The following ALPK1 variants were observed in gnomAD, a reference collection of about 807,000 sequenced individuals.
ALPK1 encodes alpha-protein kinase 1.
Under a neutral mutation model 120.6 loss-of-function variants are expected in ALPK1, and 110 were observed. The observed-to-expected ratio is 0.91, with a 90% CI of 0.78 to 1.07. The LOEUF is 1.07. Among genes scored for constraint, ALPK1 ranks in the 50% least tolerant of loss-of-function variants. ALPK1 has a pLI of 0.00. For missense variants in ALPK1, 1,498 were observed against 1,483.9 expected, an observed-to-expected ratio of 1.01 and a Z score of -0.16; for synonymous variants, 582 against 560.3, an observed-to-expected ratio of 1.04 and a Z score of -0.55.
In ALPK1 at chr4:112,426,477, C is replaced by A. The variant is rs142293369; in HGVS notation, c.633C>A (p.Tyr211Ter). 2.5e-6 allele frequency: 4 copies of A among 1,604,164 alleles called. No individual in the cohort carries two copies. The highest frequency in any genetic ancestry group is 1.1e-5 in the South Asian group (1 of 89,858). Reference sequence around the variant, plus strand: ...TCTTTTTTTTTTCAGGGATGTGGTACGAAGCAGCAGAGTTAATATGGGCCT... The same window carrying A: ...TCTTTTTTTTTTCAGGGATGTGGTAAGAAGCAGCAGAGTTAATATGGGCCT... ...GQILQKLGMW[Y>*]EAAELIWASI... Residue 211 changes from tyrosine to a stop codon, truncating the protein, a stop_gained, in exon 8 of 16, where the codon TAC (tyrosine) becomes TAA (stop). Coordinates refer to ENST00000650871, the MANE Select transcript of ALPK1 (RefSeq NM_025144.4). LOFTEE classifies it high-confidence loss of function.
intron 4 of ALPK1, chr4:112,383,826 A>G (rs1732029661): frequency 6.6e-6 from 1 of 152,208 alleles, no homozygotes. Flanking sequence ...TTAAAAATGC[A>G]TTTACTACAC....
At chr4:112,351,065 T>C (rs1730331681) in intron 2 of ALPK1, among the ~76,000 whole-genome samples, 1 of 152,220 alleles carries the variant, frequency 6.6e-6, no homozygotes, top group South Asian at 2.1e-4. Context: ...TCCAGCTATG[T>C]GGGCCAGGCT....
At chr4:112,372,937 G>A (rs1213556244) in intron 2 of ALPK1, among the ~76,000 whole-genome samples, 1 of 152,056 alleles carries the variant, frequency 6.6e-6, no homozygotes, top group East Asian at 1.9e-4. Context: ...TGATATTGTG[G>A]TTTTATTTCT....
chr4:112,312,681 A>T (rs1224437408), intron 1 of ALPK1, among the ~76,000 whole-genome samples: 1 of 152,252 alleles, frequency 6.6e-6, no homozygotes, highest in Non-Finnish European at 1.5e-5. Context: ...GAAACATTGA[A>T]TAGGCTGGTA....
At chr4:112,440,004 T>A in intron 14 of ALPK1, 132 bp downstream of exon 14, 1 of 812,182 alleles carries the variant, frequency 1.2e-6, no homozygotes, top group Non-Finnish European at 1.8e-6. Context: ...ACTTAATTGA[T>A]CTTACTATAT....
intron 2 of ALPK1, among the ~76,000 whole-genome samples, chr4:112,319,392 T>G (rs1311165028): frequency 6.6e-6 from 1 of 152,190 alleles, no homozygotes. Context: ...GTATTTCTAT[T>G]TAGTCATTCT....
At chr4:112,420,349 G>A (rs1004817964) in intron 5 of ALPK1, among the ~76,000 whole-genome samples, 3 of 152,230 alleles carry the variant, frequency 2.0e-5, no homozygotes, top group Non-Finnish European at 2.9e-5. Flanking sequence ...TTTAATCACA[G>A]TTCATGTTCT....
intron 4 of ALPK1, among the ~76,000 whole-genome samples, chr4:112,390,637 A>G (rs1732372903): frequency 6.6e-6 from 1 of 152,146 alleles, no homozygotes; most frequent in Non-Finnish European, 1.5e-5. Context: ...ATGAAACCGT[A>G]TTAATGTTAT....
intron 1 of ALPK1, among the ~76,000 whole-genome samples, chr4:112,304,596 T>G (rs1727942673): frequency 6.6e-6 from 1 of 152,098 alleles, no homozygotes; most frequent in East Asian, 1.9e-4. Context: ...TTGATGGGGT[T>G]GTTTGTTTTT....
At chr4:112,313,339 C>T (rs1049554305) in intron 1 of ALPK1, among the ~76,000 whole-genome samples, 1 of 152,126 alleles carries the variant, frequency 6.6e-6, no homozygotes, top group Non-Finnish European at 1.5e-5. Flanking sequence ...AGGAGGAAAA[C>T]CAAGAGAGTA....
At chr4:112,349,530 A>C (rs1730239190) in intron 2 of ALPK1, among the ~76,000 whole-genome samples, 1 of 145,794 alleles carries the variant, frequency 6.9e-6, no homozygotes, top group Non-Finnish European at 1.5e-5. Context: ...GATTGATCCT[A>C]TTATTACCGC....
At chr4:112,404,831 T>C (rs1733094236) in intron 4 of ALPK1, among the ~76,000 whole-genome samples, 1 of 152,214 alleles carries the variant, frequency 6.6e-6, no homozygotes, top group Non-Finnish European at 1.5e-5. Flanking sequence ...AATTTGATCC[T>C]TTTGAAGCTT....
In ALPK1 at chr4:112,430,815, G is replaced by T. The variant is rs1173341365; in HGVS notation, c.1268G>T (p.Ser423Ile). The T allele has an allele frequency of 6.2e-7, 1 of 1,614,104 alleles. No individual in the cohort carries two copies. Among genetic ancestry groups the T allele is most frequent in the Non-Finnish European group, 8.5e-7 (1 of 1,180,054 alleles). The change falls in exon 11 of 16, where the codon AGC becomes ATC. Residue 423 changes from serine to isoleucine, a missense_variant. By Grantham distance (142) the Ser-to-Ile change is moderately radical. Coordinates refer to ENST00000650871, the MANE Select transcript of ALPK1 (RefSeq NM_025144.4). ...AQVKEHLQVQ[S>I]FSNVDDRSYV... The stretch of plus-strand genomic sequence containing the variant: ...GTGAAGGAACATTTACAAGTTCAAA[G>T]CTTCTCAAATGTAGATGACAGATCT...
chr4:112,427,205 C>T (rs1470122499), intron 8 of ALPK1, among the ~76,000 whole-genome samples: 2 of 152,134 alleles, frequency 1.3e-5, no homozygotes, highest in African/African-American at 2.4e-5. Flanking sequence ...TTACATTAGG[C>T]CCATGTGCCC....
chr4:112,356,247 T>C, intron 2 of ALPK1: 1 of 1,466,206 alleles, frequency 6.8e-7, no homozygotes, highest in Non-Finnish European at 9.6e-7. Context: ...AATGGCATCC[T>C]GGAGAGCCCC....
chr4:112,305,325 A>G (rs1204514193), intron 1 of ALPK1, among the ~76,000 whole-genome samples: 8 of 151,882 alleles, frequency 5.3e-5, no homozygotes, highest in South Asian at 2.1e-4. Context: ...CATTGAATCT[A>G]TAAATTACCT....
chr4:112,401,083 G>GGTCTGGGCTGCC (rs2148741488), intron 4 of ALPK1, among the ~76,000 whole-genome samples: 1 of 152,278 alleles, frequency 6.6e-6, no homozygotes, highest in Non-Finnish European at 1.5e-5. Context: ...TGATTTAACT[G>GGTCTGGGCTGCC]GTCTGGGCTG....
At chr4:112,327,042 C>T (rs537569875) in intron 2 of ALPK1, among the ~76,000 whole-genome samples, 11 of 152,302 alleles carry the variant, frequency 7.2e-5, no homozygotes, top group East Asian at 1.9e-4. Context: ...AGTAGGGAGA[C>T]GGCCCCTGCC....
At chr4:112,378,000 T>TAATGGTCC in intron 3 of ALPK1, 102 bp downstream of exon 3, 1 of 1,177,354 alleles carries the variant, frequency 8.5e-7, no homozygotes, top group Non-Finnish European at 1.1e-6. Flanking sequence ...TTTCTTCTCT[T>TAATGGTCC]GGCAGATGAC....
Sources: gnomAD v4.1 joint callset for allele counts (sites outside exome capture counted in the v4.1 genomes callset) on GRCh38, gnomAD v4.1.1 for gene constraint, MANE v1.5 for transcripts, NCBI Gene and HGNC (gene_info 2026-07-23, HGNC 2026-07-21) for gene names.